Variants in SGF29 observed in about 807,000 individuals in gnomAD.
SGF29 encodes SAGA complex associated factor 29, also known as SAGA-associated factor 29.
SGF29 carries 15 observed loss-of-function variants against 38.1 expected under a neutral mutation model. That is an observed-to-expected ratio of 0.39 (90% CI 0.26 to 0.61). SGF29 has a LOEUF of 0.61. Ranked by LOEUF, SGF29 falls within the 20% of genes least tolerant of loss-of-function variation. SGF29 has a pLI of 0.49. For synonymous variants in SGF29, 151 were observed against 160.8 expected (o/e 0.94, Z 0.46); for missense variants, 184 against 394.6 (o/e 0.47, Z 4.52).
At chr16:28,560,525 G>T (rs1213159988) in intron 1 of SGF29, among the ~76,000 whole-genome samples, 1 of 148,736 alleles carries the variant, frequency 6.7e-6, no homozygotes, top group East Asian at 2.0e-4. Context: ...GGAGGAAGAG[G>T]TTGCAGTGAG....
At chr16:28,564,784 TATACACAC>T (rs1168498089) in intron 1 of SGF29, among the ~76,000 whole-genome samples, 5 of 118,122 alleles carry the variant, frequency 4.2e-5, no homozygotes, top group Admixed American at 9.6e-5. Context: ...TATATATATA[TATACACAC>T]ACACACACAC....
At chr16:28,577,910 CT>C (rs2046904040) in intron 1 of SGF29, among the ~76,000 whole-genome samples, 1 of 152,138 alleles carries the variant, frequency 6.6e-6, no homozygotes, top group South Asian at 2.1e-4. Context: ...TCTTGACACC[CT>C]TGTTGAAAAT....
chr16:28,554,595 C>A (rs944383968), intron 1 of SGF29, among the ~76,000 whole-genome samples: 9 of 151,936 alleles, frequency 5.9e-5, no homozygotes, highest in African/African-American at 1.7e-4. Context: ...TAGGCGTGAG[C>A]CCCCGCGCCC....
At chr16:28,586,840 A>G (rs1057442714) in intron 4 of SGF29, among the ~76,000 whole-genome samples, 4 of 152,010 alleles carry the variant, frequency 2.6e-5, no homozygotes, top group South Asian at 2.1e-4. Context: ...GATTACTGCT[A>G]TTTTCCATTG....
At chr16:28,566,279 A>AAAAAAG (rs569981472) in intron 1 of SGF29, among the ~76,000 whole-genome samples, 2 of 151,522 alleles carry the variant, frequency 1.3e-5, no homozygotes, top group South Asian at 2.1e-4. Flanking sequence ...GTCTCAAAAA[A>AAAAAAG]AAAAAGAAAA....
At chr16:28,577,110 G>C (rs1358569171) in intron 1 of SGF29, among the ~76,000 whole-genome samples, 1 of 152,116 alleles carries the variant, frequency 6.6e-6, no homozygotes, top group Non-Finnish European at 1.5e-5. Flanking sequence ...GGAGGTTGCA[G>C]TGAGCCAACA....
rs140912506 is a variant in SGF29, at chr16:28,562,670, A to T, written c.-16+8573A>T. ...TCATCCCAGCACTTTAAGGAGGCTGAGGCGGGAGGATTGCCTGCGCCCAGG... is the reference window on the plus strand; with the variant it reads ...TCATCCCAGCACTTTAAGGAGGCTGTGGCGGGAGGATTGCCTGCGCCCAGG... On this transcript the variant is annotated intron_variant, in intron 1 of 9. Transcript: ENST00000317058. 5.4e-3 allele frequency among the ~76,000 whole-genome samples: 820 copies of T among 152,170 alleles called. 8 individuals carry two copies. The highest frequency in any genetic ancestry group is 0.019 in the African/African-American group (789 of 41,536).
At chr16:28,571,947 A>C (rs2046867431) in intron 1 of SGF29, among the ~76,000 whole-genome samples, 2 of 152,248 alleles carry the variant, frequency 1.3e-5, no homozygotes, top group Non-Finnish European at 2.9e-5. Context: ...CACCAATAGC[A>C]GCTGGCTAGA....
Position 28,585,001 on chromosome 16 carries a change from G to T in SGF29, c.151+13G>T. 8 of 1,610,616 alleles carry T rather than the reference G, an allele frequency of 5.0e-6. No individual in the cohort carries two copies. Among genetic ancestry groups the T allele is most frequent in the Non-Finnish European group, 6.8e-6 (8 of 1,177,102 alleles). On this transcript the variant is annotated intron_variant, in intron 3 of 9. Coordinates refer to ENST00000317058, the MANE Select transcript of SGF29 (RefSeq NM_138414.3). The stretch of plus-strand genomic sequence containing the variant: ...ACAGAGAACAAGAGTGAGTAGCTGG[G>T]CTCAGGAGAGAAAGGGGATGAGATG...
chr16:28,583,704 A>G (rs1460422634), intron 2 of SGF29, among the ~76,000 whole-genome samples: 3 of 152,130 alleles, frequency 2.0e-5, no homozygotes, highest in African/African-American at 7.2e-5. Flanking sequence ...TCAATTGATC[A>G]TACCTGTATG....
chr16:28,590,243 G>A lies in SGF29; in HGVS notation c.419+18G>A, dbSNP rs758275357. The A allele has an allele frequency of 5.6e-6, 9 of 1,609,892 alleles. No homozygotes were observed. Among genetic ancestry groups the A allele is most frequent in the African/African-American group, 1.3e-5 (1 of 74,896 alleles). ...GGTGACAAGTGAGGGCAGCAGCTGC[G>A]AGGGAGGGGCTGGTGCCCAGGGGCT... On this transcript the variant is annotated intron_variant, in intron 6 of 9. Transcript: ENST00000317058. The surrounding 1 kb of genome is among the most constrained non-coding windows in gnomAD (Gnocchi z 8.2).
chr16:28,554,108 A>G lies in SGF29; in HGVS notation c.-16+11A>G, dbSNP rs1274302719. The stretch of plus-strand genomic sequence containing the variant: ...TTTGTCCCGGACTCGGTAGGTGGCG[A>G]CGGGCCGTGGCCTGAGACCTCCGGC... On this transcript the variant is annotated intron_variant, in intron 1 of 9. Transcript: ENST00000317058. The G allele has an allele frequency of 6.6e-6, 1 of 152,262 alleles. No individual in the cohort carries two copies. Among genetic ancestry groups the G allele is most frequent in the Non-Finnish European group, 1.5e-5 (1 of 68,056 alleles). The allele number at this position is 152,262 out of a possible 1,614,324, so 9.4% of individuals were successfully genotyped here.
At position 28,590,695 on chromosome 16, in the gene SGF29, G is replaced by T; in HGVS notation, c.602+29G>T. 1.9e-6 allele frequency: 3 copies of T among 1,614,114 alleles called. No individual in the cohort carries two copies. The highest frequency in any genetic ancestry group is 2.5e-6 in the Non-Finnish European group (3 of 1,179,984). On this transcript the variant is annotated intron_variant, in intron 8 of 9. Transcript: ENST00000317058. The surrounding 1 kb of genome is among the most constrained non-coding windows in gnomAD (Gnocchi z 8.2). ...AGTGTCCAGGCCAGGGCAGGGCATG[G>T]AGCCTGGGGGCAGCCTAACAGCTGA...
rs12929115 is a variant in SGF29, at chr16:28,564,746, T to C, written c.-16+10649T>C. ...ATATATACATATATATGTATATATGTATATATATGTATATATGTATATATA... is the reference window on the plus strand; with the variant it reads ...ATATATACATATATATGTATATATGCATATATATGTATATATGTATATATA... On this transcript the variant is annotated intron_variant, in intron 1 of 9. Transcript: ENST00000317058. 8.0e-3 allele frequency among the ~76,000 whole-genome samples: 198 copies of C among 24,822 alleles called. 5 individuals are homozygous for C. Among genetic ancestry groups the C allele is most frequent in the South Asian group, 0.018 (11 of 628 alleles). 16.3% of individuals were successfully genotyped at this position (24,822 alleles called of 152,430 possible). A position where few individuals can be genotyped will look rare whatever the true frequency, so the allele number is the denominator to read the frequency against.
At chr16:28,554,377 C>G (rs920869004) in intron 1 of SGF29, among the ~76,000 whole-genome samples, 2 of 152,096 alleles carry the variant, frequency 1.3e-5, no homozygotes, top group African/African-American at 4.8e-5. Flanking sequence ...ACACGCTGGG[C>G]TCGGCACGGA....
chr16:28,581,499 A>G (rs1043722808), intron 2 of SGF29, among the ~76,000 whole-genome samples: 3 of 151,972 alleles, frequency 2.0e-5, no homozygotes, highest in African/African-American at 4.8e-5. Context: ...AATGCCCCAT[A>G]TCTTTTCCTT....
At chr16:28,561,135 T>C (rs1188634168) in intron 1 of SGF29, among the ~76,000 whole-genome samples, 6 of 152,148 alleles carry the variant, frequency 3.9e-5, no homozygotes. Context: ...CTCACACCTA[T>C]AATCCCAACA....
At chr16:28,566,812 C>T (rs1479633829) in intron 1 of SGF29, among the ~76,000 whole-genome samples, 10 of 152,094 alleles carry the variant, frequency 6.6e-5, no homozygotes, top group South Asian at 2.1e-4. Context: ...GGATTACAGG[C>T]GTGCACCACC....
chr16:28,554,241 G>C (rs1387215250), intron 1 of SGF29, 144 bp downstream of exon 1: 1 of 151,700 alleles, frequency 6.6e-6, no homozygotes, highest in Non-Finnish European at 1.5e-5. Flanking sequence ...GGAGGGGGGC[G>C]GGGCTCGTGG....
Sources: gnomAD v4.1 joint callset for allele counts (sites outside exome capture counted in the v4.1 genomes callset) on GRCh38, gnomAD v4.1.1 for gene constraint, Gnocchi (gnomAD v3.1) non-coding constraint, MANE v1.5 for transcripts, NCBI Gene and HGNC (gene_info 2026-07-23, HGNC 2026-07-21) for gene names.